Variants in AFF3 observed in about 807,000 individuals in gnomAD.
AFF3 encodes AF4/FMR2 family member 3.
AFF3 carries 32 observed loss-of-function variants against 129.7 expected under a neutral mutation model. The ratio of observed to expected loss-of-function variants is 0.25; its 90% CI spans 0.19 to 0.33. The LOEUF (loss-of-function observed/expected upper bound fraction) is 0.33, where lower values mean the gene tolerates loss of function less well. Among genes scored for constraint, AFF3 ranks in the 10% least tolerant of loss-of-function variants. The probability of loss-of-function intolerance (pLI) is 1.00; values close to 1 mark genes in which losing one functional copy is unlikely to be tolerated. For synonymous variants in AFF3, 644 were observed against 635.4 expected (o/e 1.01, Z -0.20); for missense variants, 1,373 against 1,592.0 (o/e 0.86, Z 2.34).
At chr2:99,952,950 C>T (rs1460191591) in intron 7 of AFF3, among the ~76,000 whole-genome samples, 1 of 152,212 alleles carries the variant, frequency 6.6e-6, no homozygotes, top group South Asian at 2.1e-4. Context: ...CAGTGCTGTA[C>T]TTACTCCGCT....
rs1173643714 is a variant in AFF3, at chr2:99,601,545, T to TGCC, written c.1258_1260dup (p.Gly420dup). Reference sequence around the variant, plus strand: ...TCTGAGTCGCTGGAGGAGCTGCTGCTGCCGCTGCTGCTGCTGCTGCTGCTG... The same window carrying TGCC: ...TCTGAGTCGCTGGAGGAGCTGCTGCTGCCGCCGCTGCTGCTGCTGCTGCTGCTG... On this transcript the variant is annotated inframe_insertion, in exon 14 of 25. Coordinates refer to ENST00000672756, the MANE Select transcript of AFF3 (RefSeq NM_001386135.1). 1.9e-6 allele frequency: 3 copies of TGCC among 1,602,788 alleles called. No individual in the cohort carries two copies. Among genetic ancestry groups the TGCC allele is most frequent in the African/African-American group, 1.3e-5 (1 of 74,986 alleles).
At chr2:99,698,902 G>T (rs1196055699) in intron 11 of AFF3, among the ~76,000 whole-genome samples, 2 of 152,028 alleles carry the variant, frequency 1.3e-5, no homozygotes, top group Non-Finnish European at 2.9e-5. Context: ...GCTTTATTTT[G>T]ATGTTAATAT....
intron 4 of AFF3, among the ~76,000 whole-genome samples, chr2:100,095,586 T>C (rs187847955): frequency 1.3e-5 from 2 of 152,330 alleles, no homozygotes; most frequent in Admixed American, 1.3e-4. Context: ...AAATCTGGAA[T>C]ACCCCCCATT....
At chr2:99,629,437 G>T (rs1217739349) in intron 13 of AFF3, among the ~76,000 whole-genome samples, 2 of 152,144 alleles carry the variant, frequency 1.3e-5, no homozygotes, top group Non-Finnish European at 2.9e-5. Flanking sequence ...AAATACCTAG[G>T]AATATAGCTA....
At chr2:99,761,021 G>A (rs998647949) in intron 8 of AFF3, among the ~76,000 whole-genome samples, 6 of 150,824 alleles carry the variant, frequency 4.0e-5, no homozygotes, top group East Asian at 2.0e-4. Flanking sequence ...TTGGCCTCCC[G>A]AGTAGCTGGA....
At chr2:100,066,546 C>G (rs1407180774) in intron 4 of AFF3, among the ~76,000 whole-genome samples, 1 of 152,054 alleles carries the variant, frequency 6.6e-6, no homozygotes, top group Non-Finnish European at 1.5e-5. Flanking sequence ...TTCTAATTGG[C>G]ACATTATAGA....
At chr2:100,132,905 G>C (rs1480716459) in intron 1 of AFF3, among the ~76,000 whole-genome samples, 1 of 151,230 alleles carries the variant, frequency 6.6e-6, no homozygotes, top group African/African-American at 2.4e-5. Context: ...TTAGGTCAAT[G>C]GGTTGGGTTT....
intron 8 of AFF3, among the ~76,000 whole-genome samples, chr2:99,799,543 T>C (rs980532376): frequency 2.0e-5 from 3 of 152,096 alleles, no homozygotes; most frequent in African/African-American, 7.2e-5. Flanking sequence ...GCCAATTCTT[T>C]CTAAATTCAT....
intron 7 of AFF3, among the ~76,000 whole-genome samples, chr2:99,867,576 T>TAAAAAAAA (rs3072544): frequency 2.8e-5 from 4 of 141,356 alleles, no homozygotes; most frequent in Non-Finnish European, 4.6e-5. Context: ...ATTTCTATAT[T>TAAAAAAAA]AAAAAAAAAA....
At chr2:99,948,714 C>T (rs1295042089) in intron 7 of AFF3, among the ~76,000 whole-genome samples, 1 of 152,106 alleles carries the variant, frequency 6.6e-6, no homozygotes, top group African/African-American at 2.4e-5. Flanking sequence ...GTGTGCATCC[C>T]CCGCTCATCC....
chr2:99,707,069 C>T (rs1677466607), intron 11 of AFF3: 1 of 981,622 alleles, frequency 1.0e-6, no homozygotes, highest in South Asian at 4.7e-5. Flanking sequence ...TTTTGAAATA[C>T]CGAAGATATA....
chr2:99,948,457 G>T (rs1253732767), intron 7 of AFF3, among the ~76,000 whole-genome samples: 1 of 152,152 alleles, frequency 6.6e-6, no homozygotes, highest in Non-Finnish European at 1.5e-5. Context: ...GGCTTTATAT[G>T]CAAATAGCAT....
intron 7 of AFF3, among the ~76,000 whole-genome samples, chr2:99,898,465 C>T (rs1475111602): frequency 6.6e-6 from 1 of 152,170 alleles, no homozygotes; most frequent in African/African-American, 2.4e-5. Context: ...GCTCTCCAAG[C>T]CCATCGCCTA....
chr2:99,697,715 T>C (rs1424498823), intron 11 of AFF3, among the ~76,000 whole-genome samples: 2 of 152,264 alleles, frequency 1.3e-5, no homozygotes, highest in Non-Finnish European at 2.9e-5. Flanking sequence ...TCAGTGGATC[T>C]GAGTTCTAGC....
At chr2:99,672,722 T>C (rs1001581779) in intron 11 of AFF3, 133 bp from the exon 12 acceptor site, 20 of 865,870 alleles carry the variant, frequency 2.3e-5, no homozygotes, top group Admixed American at 7.2e-5. Flanking sequence ...ATTTCCTATT[T>C]TTTTTCTTTC....
chr2:99,952,313 A>G (rs75762153), intron 7 of AFF3, among the ~76,000 whole-genome samples: 1 of 152,116 alleles, frequency 6.6e-6, no homozygotes, highest in Non-Finnish European at 1.5e-5. Context: ...GCCTTCCACC[A>G]TGATGGTAAG....
intron 14 of AFF3, among the ~76,000 whole-genome samples, chr2:99,597,237 G>A (rs1300896602): frequency 6.6e-6 from 1 of 152,184 alleles, no homozygotes; most frequent in Non-Finnish European, 1.5e-5. Context: ...ATAGCCTCGT[G>A]AAAGGGGGAC....
chr2:100,077,112 G>T (rs1253675958), intron 4 of AFF3, among the ~76,000 whole-genome samples: 1 of 152,054 alleles, frequency 6.6e-6, no homozygotes, highest in African/African-American at 2.4e-5. Context: ...AGCCGGGCAT[G>T]GTGGCAGGCA....
intron 9 of AFF3, among the ~76,000 whole-genome samples, chr2:99,751,227 G>A (rs960354631): frequency 6.6e-6 from 1 of 152,140 alleles, no homozygotes; most frequent in Admixed American, 6.5e-5. Flanking sequence ...TCAAGTAGCT[G>A]GGATTACATG....
Sources: allele counts gnomAD v4.1 joint callset (sites outside exome capture counted in the v4.1 genomes callset), GRCh38; gene constraint gnomAD v4.1.1; transcripts MANE v1.5; gene names NCBI Gene and HGNC (gene_info 2026-07-23, HGNC 2026-07-21).